The following TNRC18 variants were observed in gnomAD, a reference collection of about 807,000 sequenced individuals.
TNRC18 encodes the protein trinucleotide repeat containing 18, also known as trinucleotide repeat-containing gene 18 protein.
A neutral mutation model predicts 226.7 loss-of-function variants in TNRC18; 69 were observed. That is an observed-to-expected ratio of 0.30 (90% CI 0.25 to 0.37). The LOEUF is 0.37. TNRC18 is among the 10% of genes least tolerant of loss of function. The pLI, the probability that TNRC18 is intolerant of heterozygous loss-of-function variation, is 1.00. For missense variants in TNRC18, 4,754 were observed against 4,256.6 expected (o/e 1.12, Z -3.25); for synonymous variants, 2,449 against 1,927.6 (o/e 1.27, Z -7.09).
At chr7:5,372,780 C>T (rs927458642) in intron 10 of TNRC18, among the ~76,000 whole-genome samples, 11 of 152,008 alleles carry the variant, frequency 7.2e-5, no homozygotes, top group Non-Finnish European at 1.5e-5. Context: ...CCCAGCAGTT[C>T]GGGAGGCCAG....
chr7:5,415,014 A>G (rs1782087375), intron 2 of TNRC18, among the ~76,000 whole-genome samples: 1 of 152,108 alleles, frequency 6.6e-6, no homozygotes, highest in Admixed American at 6.6e-5. Context: ...AGTCCAGACC[A>G]GTTCTGTGAA....
chr7:5,379,514 G>GTCCC (rs1779249798), intron 5 of TNRC18, among the ~76,000 whole-genome samples: 2 of 146,052 alleles, frequency 1.4e-5, no homozygotes, highest in African/African-American at 2.8e-5. Flanking sequence ...ACCCATCCCT[G>GTCCC]TCCCTCCCTA....
chr7:5,363,094 G>GTTTC (rs1793239561), intron 11 of TNRC18, among the ~76,000 whole-genome samples: 3 of 150,450 alleles, frequency 2.0e-5, no homozygotes, highest in African/African-American at 7.4e-5. Context: ...GGGAGTTCAA[G>GTTTC]ACCAGCCTAG....
At chr7:5,369,496 A>G (rs1233255015) in intron 11 of TNRC18, among the ~76,000 whole-genome samples, 2 of 152,116 alleles carry the variant, frequency 1.3e-5, no homozygotes, top group East Asian at 3.9e-4. Flanking sequence ...GAACTGACAG[A>G]CCACCCCCCA....
chr7:5,328,235 A>G (rs961765413), intron 19 of TNRC18, among the ~76,000 whole-genome samples: 39 of 151,424 alleles, frequency 2.6e-4, no homozygotes, highest in Middle Eastern at 6.9e-3. Context: ...CAAAAAAAAT[A>G]CTGATGTCCA....
intron 2 of TNRC18, among the ~76,000 whole-genome samples, chr7:5,409,884 G>A (rs540577049): frequency 2.9e-4 from 44 of 151,048 alleles, no homozygotes; most frequent in African/African-American, 9.5e-4. Context: ...CCAGCTACTC[G>A]GGAGGCTGAG....
chr7:5,326,744 T>C (rs1232198620), intron 19 of TNRC18, among the ~76,000 whole-genome samples: 1 of 149,530 alleles, frequency 6.7e-6, no homozygotes, highest in Non-Finnish European at 1.5e-5. Flanking sequence ...TAGGCGGAGG[T>C]TGCAGTGAGC....
At chr7:5,331,177 T>A (rs1789484780) in intron 19 of TNRC18, among the ~76,000 whole-genome samples, 1 of 152,180 alleles carries the variant, frequency 6.6e-6, no homozygotes. Flanking sequence ...CTCTAGAATG[T>A]CACCCTTATT....
Position 5,388,809 on chromosome 7 carries a change from G to A in TNRC18, c.1015C>T (p.Pro339Ser). Reference sequence around the variant, plus strand: ...GCAGGAGGCCCCTTGGGGGGCGCGGGCGGCGGGGGCAGCGGTGAGGGGCAG... The same window carrying A: ...GCAGGAGGCCCCTTGGGGGGCGCGGACGGCGGGGGCAGCGGTGAGGGGCAG... Reference protein sequence around the residue: ...RPCPSPLPPPPAPPKGPPAPP... With the variant: ...RPCPSPLPPPSAPPKGPPAPP... Residue 339 changes from proline to serine, a missense_variant, in exon 5 of 30, where the codon CCC (proline) becomes TCC (serine). Coordinates refer to ENST00000430969, the MANE Select transcript of TNRC18 (RefSeq NM_001080495.3). 8 of 1,190,876 alleles carry A rather than the reference G, an allele frequency of 6.7e-6. No individual in the cohort carries two copies. The highest frequency in any genetic ancestry group is 1.6e-5 in the African/African-American group (1 of 61,084). The allele number at this position is 1,190,876 out of a possible 1,614,324, so 73.8% of individuals were successfully genotyped here.
chr7:5,390,116 C>T (rs970701930), intron 4 of TNRC18: 2 of 410,394 alleles, frequency 4.9e-6, no homozygotes, highest in Admixed American at 4.4e-5. Flanking sequence ...GTAATCCCAG[C>T]ACTTTGGAAA....
In TNRC18 at chr7:5,359,569, C is replaced by T. The variant is rs765362842; in HGVS notation, c.4662G>A (p.Lys1554=). 5.6e-6 allele frequency: 9 copies of T among 1,613,704 alleles called. No individual in the cohort carries two copies. The Admixed American group carries it at 1.5e-4, about 27-fold the overall frequency. The change falls in exon 15 of 30, where the codon AAG becomes AAA. Residue 1554 remains lysine (K), a splice_region_variant and synonymous_variant. Transcript: ENST00000430969. ...KRGKSGHSSG[K]LSSKSLLTSD... ...ATGTCAGCAGAGACTTGCTGCTCAG[C>T]CTGAAACGCAGACACACTGCCGGTC...
chr7:5,413,934 A>G (rs1271602705), intron 2 of TNRC18, among the ~76,000 whole-genome samples: 2 of 152,130 alleles, frequency 1.3e-5, no homozygotes, highest in Admixed American at 6.6e-5. Flanking sequence ...AGATCCAACA[A>G]CTGTGAACTG....
intron 5 of TNRC18, among the ~76,000 whole-genome samples, chr7:5,382,753 C>G (rs1229094365): frequency 3.9e-5 from 6 of 152,222 alleles, no homozygotes. Flanking sequence ...GGGCTCCCCG[C>G]TCAGCCTTGC....
chr7:5,349,371 GA>G (rs571274356), intron 17 of TNRC18, among the ~76,000 whole-genome samples: 81 of 152,220 alleles, frequency 5.3e-4, no homozygotes, highest in African/African-American at 1.7e-3. Context: ...AGGGAGGGGG[GA>G]AAAAAGTCCC....
Position 5,357,011 on chromosome 7 carries a change from G to C in TNRC18, c.5099C>G (p.Ala1700Gly), listed in dbSNP as rs1339266691. Residue 1700 changes from alanine to glycine, a missense_variant, in exon 16 of 30, where the codon GCC becomes GGC. Physicochemically the swap from Ala to Gly is moderately conservative, Grantham distance 60. Coordinates refer to ENST00000430969, the MANE Select transcript of TNRC18 (RefSeq NM_001080495.3). ...CCCCACCTCCATCTTCCTGGTTTTG[G>C]CTGCCCTTTTGTGTTTACCTTCTCT... ...SSREGKHKRA[A>G]KTRKMEVGFK... The C allele has an allele frequency of 2.6e-6, 4 of 1,552,314 alleles. No homozygotes were observed. Among genetic ancestry groups the C allele is most frequent in the South Asian group, 1.2e-5 (1 of 84,054 alleles).
intron 18 of TNRC18, among the ~76,000 whole-genome samples, chr7:5,335,744 C>G (rs71529397): frequency 1.3e-5 from 2 of 150,074 alleles, no homozygotes; most frequent in South Asian, 4.2e-4. Context: ...AAAAAGTGAT[C>G]TGAACAGAGG....
intron 2 of TNRC18, among the ~76,000 whole-genome samples, chr7:5,411,515 C>CAAAA (rs764197407): frequency 3.1e-5 from 2 of 65,438 alleles, no homozygotes. Context: ...AAGACTCTGT[C>CAAAA]AAAAAAAAAA....
In TNRC18 at chr7:5,376,779, G is replaced by A. The variant is rs1452624561; in HGVS notation, c.2608+68C>T. 4.5e-6 allele frequency: 7 copies of A among 1,558,328 alleles called. 1 individual carries two copies. The highest frequency in any genetic ancestry group is 3.6e-5 in the South Asian group (3 of 84,262). ...GCCACCCCTCAGCAGGAAGCCCTTG[G>A]CATCAGAGACCATCTCGCTGGGCAT... is the stretch of plus-strand genomic sequence containing the variant. On this transcript the variant is annotated intron_variant, in intron 8 of 29. Transcript: ENST00000430969.
chr7:5,337,933 A>C (rs191464565), intron 18 of TNRC18, among the ~76,000 whole-genome samples: 1 of 152,238 alleles, frequency 6.6e-6, no homozygotes. Context: ...CAGTGAGCCA[A>C]GATCACGCCA....
Sources: allele counts gnomAD v4.1 joint callset (sites outside exome capture counted in the v4.1 genomes callset), GRCh38; gene constraint gnomAD v4.1.1; transcripts MANE v1.5; gene names NCBI Gene and HGNC (gene_info 2026-07-23, HGNC 2026-07-21).